The following CNTNAP5 variants were observed in gnomAD, a reference collection of about 807,000 sequenced individuals.
CNTNAP5 encodes contactin associated protein family member 5.
CNTNAP5 carries 72 observed loss-of-function variants against 150.2 expected under a neutral mutation model. The observed-to-expected ratio is 0.48, with a 90% CI of 0.40 to 0.58. The LOEUF (loss-of-function observed/expected upper bound fraction) is 0.58, where lower values mean the gene tolerates loss of function less well. CNTNAP5 is among the 20% of genes least tolerant of loss of function. The pLI is 0.00. For synonymous variants in CNTNAP5, 672 were observed against 619.8 expected (o/e 1.08, Z -1.25); for missense variants, 1,636 against 1,626.2 (o/e 1.01, Z -0.10).
At position 124,543,446 on chromosome 2, in the gene CNTNAP5, G is replaced by A. The variant is rs530375899; in HGVS notation, c.1649+15990G>A. ...TGAGTGTACCCTGTGGATTCTGTGC[G>A]CCCCTAAGCAACTCCTACAGGCTGA... is the stretch of plus-strand genomic sequence containing the variant. On this transcript the variant is annotated intron_variant, in intron 10 of 23. Coordinates refer to ENST00000682447, the MANE Select transcript of CNTNAP5 (RefSeq NM_001367498.1). Among the ~76,000 whole-genome samples the A allele has an allele frequency of 1.8e-4, 28 of 152,222 alleles. No individual in the cohort carries two copies. The East Asian group carries it at 3.1e-3, about 17-fold the overall frequency.
At chr2:124,046,650 A>C (rs1415328532) in intron 1 of CNTNAP5, among the ~76,000 whole-genome samples, 1 of 152,188 alleles carries the variant, frequency 6.6e-6, no homozygotes, top group Non-Finnish European at 1.5e-5. Flanking sequence ...GTCAAGTTGC[A>C]AGAAAAGAAG....
intron 17 of CNTNAP5, among the ~76,000 whole-genome samples, chr2:124,785,023 C>T (rs1681532932): frequency 7.9e-6 from 1 of 126,670 alleles, no homozygotes; most frequent in African/African-American, 2.9e-5. Context: ...CCTCAAAGAG[C>T]TCAGAGATTA....
chr2:124,417,496 C>T lies in CNTNAP5; in HGVS notation c.435C>T (p.His145=), dbSNP rs1490925737. 1.2e-6 allele frequency: 2 copies of T among 1,613,926 alleles called. No individual in the cohort carries two copies. The highest frequency in any genetic ancestry group is 3.3e-5 in the Admixed American group (2 of 60,016). Residue 145 remains histidine (H), a synonymous_variant, in exon 4 of 24, where the codon CAC becomes CAT. Coordinates refer to ENST00000682447, the MANE Select transcript of CNTNAP5 (RefSeq NM_001367498.1). ...ADSVVHHKLL[H]SVRARFVRFV... ...GCGTGGTGCACCACAAGCTATTGCA[C>T]TCAGTGAGAGCCCGATTTGTTCGCT... is the stretch of plus-strand genomic sequence containing the variant.
chr2:124,896,112 G>C (rs1285204380), intron 21 of CNTNAP5, among the ~76,000 whole-genome samples: 3 of 151,550 alleles, frequency 2.0e-5, no homozygotes, highest in Non-Finnish European at 4.4e-5. Flanking sequence ...AATATTCCCT[G>C]TGCACTCCTG....
intron 12 of CNTNAP5, among the ~76,000 whole-genome samples, chr2:124,646,849 T>C (rs1417368890): frequency 6.6e-6 from 1 of 152,204 alleles, no homozygotes; most frequent in Non-Finnish European, 1.5e-5. Context: ...GGCTCATGCC[T>C]GTGGTACCAG....
At position 124,647,953 on chromosome 2, in the gene CNTNAP5, C is replaced by T. The variant is rs772923186; in HGVS notation, c.2072C>T (p.Thr691Met). The change falls in exon 13 of 24, where the codon ACG becomes ATG. Residue 691 changes from threonine to methionine, a missense_variant. By Grantham distance (81) the Thr-to-Met change is moderately conservative. Transcript: ENST00000682447. ...YHCRRSRLLN[T>M]PDGTPFTWWI... is the part of the protein sequence containing the mutation. ...TGCAGGAGGTCCCGCCTGCTCAACA[C>T]GCCGGGTAAGGCCTCTGCATGCATG... 6.9e-6 allele frequency: 11 copies of T among 1,596,674 alleles called. No homozygotes were observed. Among genetic ancestry groups the T allele is most frequent in the Admixed American group, 1.7e-5 (1 of 57,666 alleles).
chr2:124,810,983 C>A (rs4848263), intron 19 of CNTNAP5, among the ~76,000 whole-genome samples: 1 of 151,830 alleles, frequency 6.6e-6, no homozygotes, highest in African/African-American at 2.4e-5. Flanking sequence ...AATCTATAGG[C>A]GTAGAATGAG....
At chr2:124,312,565 T>C (rs1379616891) in intron 3 of CNTNAP5, among the ~76,000 whole-genome samples, 1 of 147,938 alleles carries the variant, frequency 6.8e-6, no homozygotes, top group Non-Finnish European at 1.5e-5. Flanking sequence ...GTTTATTTGT[T>C]TGTTTGTTTG....
At chr2:124,226,503 C>G (rs543168453) in intron 2 of CNTNAP5, among the ~76,000 whole-genome samples, 2 of 152,122 alleles carry the variant, frequency 1.3e-5, no homozygotes, top group Non-Finnish European at 2.9e-5. Flanking sequence ...TGGGTATTAA[C>G]CCCTTATGAG....
chr2:124,409,030 G>A (rs1691673355), intron 3 of CNTNAP5, among the ~76,000 whole-genome samples: 2 of 138,406 alleles, frequency 1.4e-5, no homozygotes, highest in African/African-American at 2.7e-5. Flanking sequence ...CCAATACAGA[G>A]AAGTGCTTAA....
chr2:124,237,654 T>C (rs1686782729), intron 2 of CNTNAP5, among the ~76,000 whole-genome samples: 1 of 152,064 alleles, frequency 6.6e-6, no homozygotes, highest in South Asian at 2.1e-4. Context: ...CTGGCCAACA[T>C]GGTGAAACCC....
chr2:124,788,221 G>A (rs949805563), intron 17 of CNTNAP5, among the ~76,000 whole-genome samples: 4 of 152,098 alleles, frequency 2.6e-5, no homozygotes, highest in Admixed American at 6.5e-5. Context: ...TTCAACACAC[G>A]TTTTTCTGAT....
intron 8 of CNTNAP5, among the ~76,000 whole-genome samples, chr2:124,514,267 G>A (rs1167215922): frequency 6.6e-6 from 1 of 152,182 alleles, no homozygotes. Flanking sequence ...CCAAAGTAGT[G>A]ATTTCTTGGG....
chr2:124,159,779 C>T (rs990756176), intron 1 of CNTNAP5, among the ~76,000 whole-genome samples: 3 of 152,028 alleles, frequency 2.0e-5, no homozygotes, highest in Non-Finnish European at 1.5e-5. Flanking sequence ...TCTGAAGTCA[C>T]TATGGAGTAT....
intron 1 of CNTNAP5, among the ~76,000 whole-genome samples, chr2:124,214,890 A>G (rs1419744079): frequency 6.6e-6 from 1 of 152,208 alleles, no homozygotes; most frequent in East Asian, 1.9e-4. Flanking sequence ...AGGATAGAGA[A>G]GACTCGGCCT....
At chr2:124,817,405 C>T (rs990531468) in intron 19 of CNTNAP5, among the ~76,000 whole-genome samples, 1 of 147,996 alleles carries the variant, frequency 6.8e-6, no homozygotes, top group African/African-American at 2.5e-5. Context: ...CCTTATACTT[C>T]AAAAAAAAAG....
intron 2 of CNTNAP5, among the ~76,000 whole-genome samples, chr2:124,232,548 A>G (rs1321442673): frequency 6.6e-6 from 1 of 152,124 alleles, no homozygotes; most frequent in Non-Finnish European, 1.5e-5. Flanking sequence ...GAGTTAATAT[A>G]ATCCTTTAGT....
chr2:124,605,714 G>A (rs1697088901), intron 11 of CNTNAP5, among the ~76,000 whole-genome samples: 1 of 150,660 alleles, frequency 6.6e-6, no homozygotes, highest in African/African-American at 2.4e-5. Context: ...TACTCGGGAG[G>A]CTGAGGCAGG....
At position 124,647,741 on chromosome 2, in the gene CNTNAP5, T is replaced by C. The variant is rs150545778; in HGVS notation, c.1877-17T>C. 2.8e-3 allele frequency: 4,338 copies of C among 1,571,688 alleles called. 12 individuals are homozygous for C. The highest frequency in any genetic ancestry group is 3.3e-3 in the Non-Finnish European group (3,840 of 1,153,188). ...TGCTTCTAACGTCTCTTGCTTTGTG[T>C]TGTGTTGTCTGGGCAGAGGACAAGA... is the stretch of plus-strand genomic sequence containing the variant. On this transcript the variant is annotated splice_polypyrimidine_tract_variant and intron_variant, in intron 12 of 23. Transcript: ENST00000682447.
Sources: gnomAD v4.1 joint callset for allele counts (sites outside exome capture counted in the v4.1 genomes callset) on GRCh38, gnomAD v4.1.1 for gene constraint, MANE v1.5 for transcripts, NCBI Gene and HGNC (gene_info 2026-07-23, HGNC 2026-07-21) for gene names.